Variants in DSCAM observed in about 807,000 individuals in gnomAD.
DSCAM encodes the protein DS cell adhesion molecule.
A neutral mutation model predicts 217.7 loss-of-function variants in DSCAM; 47 were observed. That is an observed-to-expected ratio of 0.22 (90% confidence interval 0.17 to 0.28). The LOEUF is 0.28. DSCAM is among the 10% of genes least tolerant of loss of function. DSCAM has a pLI of 1.00. For missense variants in DSCAM, 2,080 were observed against 2,618.3 expected, an observed-to-expected ratio of 0.79 and a Z score of 4.49; for synonymous variants, 1,056 against 1,015.3, an observed-to-expected ratio of 1.04 and a Z score of -0.76.
chr21:40,588,153 G>A (rs951368425), intron 3 of DSCAM, among the ~76,000 whole-genome samples: 9 of 152,084 alleles, frequency 5.9e-5, no homozygotes, highest in Admixed American at 5.9e-4. Context: ...AGACCTTGGC[G>A]GGCCCCTCAG....
Position 40,078,721 on chromosome 21 carries a change from C to T in DSCAM, c.4677G>A (p.Lys1559=), listed in dbSNP as rs766955888. 1.4e-5 allele frequency: 22 copies of T among 1,614,196 alleles called. No individual in the cohort carries two copies. In the South Asian group the frequency reaches 2.0e-4, roughly 15 times the overall value. Reference sequence around the variant, plus strand: ...AGTTCAGCGTAGCGAAGTTGGCCTGCTTCTCCGCGCAGCCCGCACTGTTGC... The same window carrying T: ...AGTTCAGCGTAGCGAAGTTGGCCTGTTTCTCCGCGCAGCCCGCACTGTTGC... ...RVCNSAGCAE[K]QANFATLNYD... Residue 1559 remains lysine, a synonymous_variant, in exon 26 of 33, where the codon AAG becomes AAA. Transcript: ENST00000400454.
intron 1 of DSCAM, among the ~76,000 whole-genome samples, chr21:40,721,102 T>G (rs542238917): frequency 5.9e-4 from 90 of 152,302 alleles, no homozygotes; most frequent in African/African-American, 1.9e-3. Context: ...TATTCAGAAA[T>G]GTATCACACA....
intron 32 of DSCAM, among the ~76,000 whole-genome samples, chr21:40,023,198 GA>G (rs2088308614): frequency 6.6e-6 from 1 of 152,080 alleles, no homozygotes; most frequent in South Asian, 2.1e-4. Flanking sequence ...CAAAGGACAT[GA>G]ACTCATCATT....
intron 3 of DSCAM, among the ~76,000 whole-genome samples, chr21:40,638,852 G>T (rs2089841569): frequency 6.6e-6 from 1 of 151,968 alleles, no homozygotes. Flanking sequence ...GTAATTATAG[G>T]CTAGGAAAAT....
rs147727825 is a variant in DSCAM at position 40,775,870 on chromosome 21, C to A, written c.44-67099G>T. On this transcript the variant is annotated intron_variant, in intron 1 of 32. Coordinates refer to ENST00000400454, the MANE Select transcript of DSCAM (RefSeq NM_001389.5). ...GGCGATTGCAAATGCGGTGGCGAAC[C>A]TTTGCAGTTTTGATTGACTCGTCAA... Among the ~76,000 whole-genome samples the A allele has an allele frequency of 3.7e-3, 560 of 152,268 alleles. 2 individuals are homozygous for A. The highest frequency in any genetic ancestry group is 0.013 in the African/African-American group (540 of 41,556).
At chr21:40,412,096 T>C (rs1195095750) in intron 3 of DSCAM, among the ~76,000 whole-genome samples, 1 of 152,236 alleles carries the variant, frequency 6.6e-6, no homozygotes, top group Non-Finnish European at 1.5e-5. Flanking sequence ...AGATGTGACT[T>C]GCTCTTCCTT....
chr21:40,740,512 C>A (rs1394988140), intron 1 of DSCAM, among the ~76,000 whole-genome samples: 1 of 152,214 alleles, frequency 6.6e-6, no homozygotes, highest in East Asian at 1.9e-4. Context: ...CATGGAGCAT[C>A]AAGCCTTATT....
intron 10 of DSCAM, among the ~76,000 whole-genome samples, chr21:40,294,382 G>A (rs1395482656): frequency 6.6e-6 from 1 of 152,034 alleles, no homozygotes; most frequent in East Asian, 1.9e-4. Context: ...AAATGAGAGG[G>A]CATTTTCAAC....
At chr21:40,085,533 A>T in intron 23 of DSCAM, 69 bp downstream of exon 23, 2 of 1,308,530 alleles carry the variant, frequency 1.5e-6, no homozygotes, top group Admixed American at 5.6e-5. Flanking sequence ...AAATTTGTTC[A>T]GTGCTACTTT....
chr21:40,674,353 A>G (rs1354531576), intron 3 of DSCAM, among the ~76,000 whole-genome samples: 1 of 152,218 alleles, frequency 6.6e-6, no homozygotes, highest in Non-Finnish European at 1.5e-5. Flanking sequence ...TAATCTGCCT[A>G]TTCCTGGCTT....
chr21:40,659,100 A>G (rs1339350523), intron 3 of DSCAM, among the ~76,000 whole-genome samples: 1 of 152,122 alleles, frequency 6.6e-6, no homozygotes, highest in Non-Finnish European at 1.5e-5. Flanking sequence ...ACCATCAGTA[A>G]CGCTGCCCCC....
intron 2 of DSCAM, among the ~76,000 whole-genome samples, chr21:40,694,488 T>C (rs1023901765): frequency 6.6e-6 from 1 of 152,226 alleles, no homozygotes; most frequent in African/African-American, 2.4e-5. Context: ...CCTTGTGATA[T>C]GCTGAGCATT....
intron 5 of DSCAM, among the ~76,000 whole-genome samples, chr21:40,348,852 G>C (rs973991993): frequency 9.2e-5 from 14 of 152,024 alleles, no homozygotes; most frequent in African/African-American, 3.1e-4. Context: ...CTGACAATAA[G>C]AGATACAGGC....
intron 3 of DSCAM, among the ~76,000 whole-genome samples, chr21:40,401,278 A>G (rs919140814): frequency 6.6e-6 from 1 of 152,238 alleles, no homozygotes; most frequent in Admixed American, 6.5e-5. Context: ...ACCACACTTT[A>G]TGGGAATACA....
chr21:40,285,135 C>T (rs1180679741), intron 10 of DSCAM, among the ~76,000 whole-genome samples: 1 of 152,172 alleles, frequency 6.6e-6, no homozygotes, highest in African/African-American at 2.4e-5. Context: ...CACAATTCAG[C>T]ACTCGTCAAG....
At position 40,136,250 on chromosome 21, in the gene DSCAM, C is replaced by T. The variant is rs150812375; in HGVS notation, c.3407-2241G>A. On this transcript the variant is annotated intron_variant, in intron 18 of 32. Transcript: ENST00000400454. ...ATTGGAAATTCTCATCTCTGAAGGA[C>T]GGGTCTTTCCATATTCAATTATATT... Among the ~76,000 whole-genome samples, 18 of 152,348 alleles carry T rather than the reference C, an allele frequency of 1.2e-4. No homozygotes were observed. The East Asian group carries it at 2.1e-3, about 18-fold the overall frequency.
intron 3 of DSCAM, among the ~76,000 whole-genome samples, chr21:40,427,263 G>A (rs2075483910): frequency 6.6e-6 from 1 of 152,162 alleles, no homozygotes; most frequent in African/African-American, 2.4e-5. Flanking sequence ...ATGAACCCGT[G>A]TGTCCCAGCT....
intron 18 of DSCAM, among the ~76,000 whole-genome samples, chr21:40,136,863 C>G (rs964399266): frequency 3.3e-5 from 5 of 152,082 alleles, no homozygotes; most frequent in Non-Finnish European, 5.9e-5. Context: ...AACCTGGCCT[C>G]TCTGATCTTC....
rs188071222 is a variant in DSCAM, at chr21:40,722,268, A to G, written c.44-13497T>C. Among the ~76,000 whole-genome samples the G allele has an allele frequency of 3.1e-4, 47 of 152,276 alleles. No individual in the cohort carries two copies. In the East Asian group the frequency reaches 8.5e-3, roughly 27 times the overall value. On this transcript the variant is annotated intron_variant, in intron 1 of 32. Coordinates refer to ENST00000400454, the MANE Select transcript of DSCAM (RefSeq NM_001389.5). ...AATGTTAAGCATGTGGGTGAATATA[A>G]AATCATATTTTCTCACTTTAAATCA...
Sources: gnomAD v4.1 joint callset for allele counts (sites outside exome capture counted in the v4.1 genomes callset) on GRCh38, gnomAD v4.1.1 for gene constraint, MANE v1.5 for transcripts, NCBI Gene and HGNC (gene_info 2026-07-23, HGNC 2026-07-21) for gene names.